Variants in PGM2L1 observed in about 807,000 individuals in gnomAD.
The protein encoded by PGM2L1 is glucose 1,6-bisphosphate synthase.
In PGM2L1, 35 loss-of-function variants were observed where a neutral mutation model predicts 73.4. That is an observed-to-expected ratio of 0.48 (90% confidence interval 0.36 to 0.63). The LOEUF (loss-of-function observed/expected upper bound fraction) is 0.63. Among genes scored for constraint, PGM2L1 ranks in the 30% least tolerant of loss-of-function variants. PGM2L1 has a pLI of 0.00. For synonymous variants in PGM2L1, 225 were observed against 253.8 expected (o/e 0.89, Z 1.08); for missense variants, 570 against 742.0 (o/e 0.77, Z 2.69).
intron 5 of PGM2L1, among the ~76,000 whole-genome samples, chr11:74,360,557 G>A (rs1862545044): frequency 6.6e-6 from 1 of 152,096 alleles, no homozygotes; most frequent in African/African-American, 2.4e-5. Context: ...TTGGACAGTG[G>A]GGGCAGGACA....
At chr11:74,391,458 T>G (rs1404922051) in intron 1 of PGM2L1, among the ~76,000 whole-genome samples, 1 of 152,130 alleles carries the variant, frequency 6.6e-6, no homozygotes, top group Non-Finnish European at 1.5e-5. Flanking sequence ...TATTTCCTAT[T>G]TCCTTTTGCT....
chr11:74,357,824 C>T (rs948074885), intron 5 of PGM2L1, among the ~76,000 whole-genome samples: 2 of 152,132 alleles, frequency 1.3e-5, no homozygotes, highest in Non-Finnish European at 1.5e-5. Flanking sequence ...TACCTCCAGA[C>T]GATGGAATAT....
At chr11:74,385,143 GTTTTTTC>G (rs1366121601) in intron 1 of PGM2L1, among the ~76,000 whole-genome samples, 1 of 152,094 alleles carries the variant, frequency 6.6e-6, no homozygotes, top group Non-Finnish European at 1.5e-5. Flanking sequence ...TATTTTGTCT[GTTTTTTC>G]CAGTTGTTGG....
intron 9 of PGM2L1, among the ~76,000 whole-genome samples, chr11:74,344,098 A>G (rs1591166887): frequency 6.6e-6 from 1 of 151,986 alleles, no homozygotes; most frequent in Non-Finnish European, 1.5e-5. Flanking sequence ...TTAATGCTCA[A>G]AAACGCTGTC....
chr11:74,359,952 T>C (rs1232157895), intron 5 of PGM2L1, among the ~76,000 whole-genome samples: 2 of 152,192 alleles, frequency 1.3e-5, no homozygotes, highest in Non-Finnish European at 2.9e-5. Context: ...CAAGGCAGAC[T>C]AAGTCTCTCT....
At chr11:74,365,465 A>C (rs1862640420) in intron 5 of PGM2L1, among the ~76,000 whole-genome samples, 1 of 152,340 alleles carries the variant, frequency 6.6e-6, no homozygotes, top group Middle Eastern at 3.4e-3. Flanking sequence ...CAACCTACTC[A>C]TCTGACAAAG....
At chr11:74,394,193 C>T (rs1863142319) in intron 1 of PGM2L1, among the ~76,000 whole-genome samples, 1 of 152,110 alleles carries the variant, frequency 6.6e-6, no homozygotes, top group Admixed American at 6.5e-5. Context: ...TATCTGACTC[C>T]CTGTGATTTG....
In PGM2L1 at chr11:74,357,298, C is replaced by T. The variant is rs76088460; in HGVS notation, c.556-5722G>A. Among the ~76,000 whole-genome samples, 1,439 of 152,130 alleles carry T rather than the reference C, an allele frequency of 9.5e-3. 26 individuals are homozygous for T. The highest frequency in any genetic ancestry group is 0.031 in the African/African-American group (1,275 of 41,490). ...CATGCCAGACTGGGAGAAATATTTG[C>T]GAAAGATGTATCTGAAAAAGGACTG... On this transcript the variant is annotated intron_variant, in intron 5 of 13. Transcript: ENST00000298198.
At chr11:74,354,786 C>A in intron 5 of PGM2L1, 1 of 1,016,920 alleles carries the variant, frequency 9.8e-7, no homozygotes. Context: ...TTAAAGAAGA[C>A]CCTGAAGAAC....
At chr11:74,346,270 C>CAAAAAAAAAAAAAAAAAAAAAAAAAA (rs751742460) in intron 8 of PGM2L1, among the ~76,000 whole-genome samples, 1 of 57,880 alleles carries the variant, frequency 1.7e-5, no homozygotes, top group African/African-American at 6.8e-5. Context: ...ACTATGTCTC[C>CAAAAAAAAAAAAAAAAAAAAAAAAAA]AAAAAAAAAA....
At chr11:74,361,086 G>A (rs539198208) in intron 5 of PGM2L1, among the ~76,000 whole-genome samples, 17 of 152,308 alleles carry the variant, frequency 1.1e-4, no homozygotes, top group Admixed American at 7.2e-4. Flanking sequence ...ATCTGAGAAC[G>A]GAGAGACTGC....
intron 8 of PGM2L1, among the ~76,000 whole-genome samples, chr11:74,345,871 T>A (rs1862253663): frequency 6.6e-6 from 1 of 152,216 alleles, no homozygotes; most frequent in Non-Finnish European, 1.5e-5. Context: ...TCATTACATT[T>A]ATTCTTTTAC....
Position 74,398,416 on chromosome 11 carries a change from A to G in PGM2L1, c.-255T>C, listed in dbSNP as rs1336086375. On this transcript the variant is annotated 5_prime_UTR_variant, in exon 1 of 14. Transcript: ENST00000298198. The stretch of plus-strand genomic sequence containing the variant: ...GTGACTGAGGCGGTCGCGCCGCGAG[A>G]GAACAACAGTCCCAGATGTCTGGGT... 2.3e-6 allele frequency: 1 copy of G among 429,838 alleles called. No homozygotes were observed. The highest frequency in any genetic ancestry group is 3.9e-6 in the Non-Finnish European group (1 of 258,478). 26.6% of individuals were successfully genotyped at this position (429,838 alleles called of 1,614,324 possible).
chr11:74,355,102 G>A, intron 5 of PGM2L1: 2 of 1,280,310 alleles, frequency 1.6e-6, no homozygotes, highest in Non-Finnish European at 2.2e-6. Flanking sequence ...TTTGGTTGTG[G>A]AGGAAACTTC....
chr11:74,330,812 C>T lies in PGM2L1; in HGVS notation c.*5840G>A, dbSNP rs1268454495. ...CATTTCTTTACCTTCCTGGCCAACA[C>T]CTTGCTTTGAGTGTAAAATACCAGG... On this transcript the variant is annotated 3_prime_UTR_variant, in exon 14 of 14. Transcript: ENST00000298198. 1.3e-5 allele frequency: 2 copies of T among 152,532 alleles called. No individual in the cohort carries two copies. Among genetic ancestry groups the T allele is most frequent in the African/African-American group, 4.8e-5 (2 of 41,428 alleles). The allele number at this position is 152,532 out of a possible 1,614,324, so 9.4% of individuals were successfully genotyped here. A position where few individuals can be genotyped will look rare whatever the true frequency, so the allele number is the denominator to read the frequency against.
rs115462720 is a variant in PGM2L1, at chr11:74,331,736, A to G, written c.*4916T>C. ...ATATCATTTTTATATTAAAAGTTTT[A>G]TTATAAAGAATGCAAAATTCACTTA... On this transcript the variant is annotated 3_prime_UTR_variant, in exon 14 of 14. Coordinates refer to ENST00000298198, the MANE Select transcript of PGM2L1 (RefSeq NM_173582.6). 1 of 152,310 alleles carries G rather than the reference A, an allele frequency of 6.6e-6. No individual in the cohort carries two copies. Among genetic ancestry groups the G allele is most frequent in the African/African-American group, 2.4e-5 (1 of 41,572 alleles). 9.4% of individuals were successfully genotyped at this position (152,310 alleles called of 1,614,324 possible). A position where few individuals can be genotyped will look rare whatever the true frequency, so the allele number is the denominator to read the frequency against.
chr11:74,333,548 T>G lies in PGM2L1; in HGVS notation c.*3104A>C, dbSNP rs1862045329. ...GTTCTCACATGATTCTGATACAACA[T>G]CCTAGCAGGAACTGAATCCGTAAAA... On this transcript the variant is annotated 3_prime_UTR_variant, in exon 14 of 14. Transcript: ENST00000298198. 1 of 152,180 alleles carries G rather than the reference T, an allele frequency of 6.6e-6. No individual in the cohort carries two copies. Among genetic ancestry groups the G allele is most frequent in the South Asian group, 2.1e-4 (1 of 4,828 alleles). 9.4% of individuals were successfully genotyped at this position (152,180 alleles called of 1,614,324 possible).
intron 5 of PGM2L1, among the ~76,000 whole-genome samples, chr11:74,352,032 A>C (rs1182813146): frequency 6.6e-6 from 1 of 151,954 alleles, no homozygotes; most frequent in African/African-American, 2.4e-5. Flanking sequence ...AAATGTCAAC[A>C]TAGGAGGACT....
chr11:74,356,166 G>C (rs1289053930), intron 5 of PGM2L1, among the ~76,000 whole-genome samples: 19 of 151,976 alleles, frequency 1.3e-4, no homozygotes, highest in Non-Finnish European at 1.8e-4. Flanking sequence ...GTTCTATTTG[G>C]AGTTTATGCA....
Sources: allele counts gnomAD v4.1 joint callset (sites outside exome capture counted in the v4.1 genomes callset), GRCh38; gene constraint gnomAD v4.1.1; transcripts MANE v1.5; gene names NCBI Gene and HGNC (gene_info 2026-07-23, HGNC 2026-07-21).